Variants in SENP7 observed in about 807,000 individuals in gnomAD.
SENP7 encodes the protein SUMO specific peptidase 7.
Under a neutral mutation model 141.2 loss-of-function variants are expected in SENP7, and 64 were observed. The observed-to-expected ratio is 0.45, with a 90% CI of 0.37 to 0.56. The LOEUF is 0.56. Ranked by LOEUF, SENP7 falls within the 20% of genes least tolerant of loss-of-function variation. The pLI is 0.00. For missense variants in SENP7, 1,025 were observed against 1,212.2 expected (o/e 0.85, Z 2.29); for synonymous variants, 382 against 426.4 (o/e 0.90, Z 1.28).
At chr3:101,433,627 A>G (rs2062268819) in intron 4 of SENP7, among the ~76,000 whole-genome samples, 2 of 152,204 alleles carry the variant, frequency 1.3e-5, no homozygotes, top group South Asian at 4.1e-4. Context: ...CTATACTTCT[A>G]TGAGACAAAA....
chr3:101,401,580 C>T lies in SENP7; in HGVS notation c.483-2525G>A, dbSNP rs1048784347. On this transcript the variant is annotated intron_variant, in intron 5 of 23. Coordinates refer to ENST00000394095, the MANE Select transcript of SENP7 (RefSeq NM_020654.5). ...AAAAAGTGCTACTCCTATGAACACA[C>T]AAATAATAAGAAAGCAAAACAGTCT... 2.6e-5 allele frequency among the ~76,000 whole-genome samples: 4 copies of T among 150,970 alleles called. No homozygotes were observed. The South Asian group carries it at 8.4e-4, about 32-fold the overall frequency.
At chr3:101,386,967 G>A (rs1287160259) in intron 6 of SENP7, among the ~76,000 whole-genome samples, 1 of 152,204 alleles carries the variant, frequency 6.6e-6, no homozygotes, top group Non-Finnish European at 1.5e-5. Flanking sequence ...ACCAATGTTG[G>A]CACCCAAGTA....
intron 1 of SENP7, among the ~76,000 whole-genome samples, chr3:101,507,159 C>A (rs953275046): frequency 6.6e-5 from 10 of 151,680 alleles, no homozygotes; most frequent in African/African-American, 2.4e-4. Flanking sequence ...TTTACCAATA[C>A]GAGCACACAC....
At chr3:101,350,742 C>G (rs1256669111) in intron 12 of SENP7, among the ~76,000 whole-genome samples, 1 of 151,916 alleles carries the variant, frequency 6.6e-6, no homozygotes, top group Non-Finnish European at 1.5e-5. Context: ...ATTATCATCC[C>G]CTTTTAAAAT....
chr3:101,458,730 T>C (rs1431279545), intron 4 of SENP7: 1 of 371,274 alleles, frequency 2.7e-6, no homozygotes, highest in Non-Finnish European at 4.9e-6. Context: ...ACTCTTGCAT[T>C]ATCAGCGAAA....
chr3:101,385,281 C>G (rs527464815), intron 6 of SENP7, among the ~76,000 whole-genome samples: 24 of 152,176 alleles, frequency 1.6e-4, no homozygotes, highest in African/African-American at 5.8e-4. Flanking sequence ...GAACACACCC[C>G]ACAACCTCAA....
chr3:101,339,060 G>A (rs1452122823), intron 16 of SENP7, among the ~76,000 whole-genome samples: 1 of 152,064 alleles, frequency 6.6e-6, no homozygotes, highest in East Asian at 1.9e-4. Flanking sequence ...AGAATTAGCA[G>A]AAAATAATAT....
intron 4 of SENP7, among the ~76,000 whole-genome samples, chr3:101,424,097 A>T (rs750114920): frequency 2.0e-5 from 3 of 152,072 alleles, no homozygotes; most frequent in Admixed American, 6.5e-5. Context: ...CTATCAAACA[A>T]GGCCAGTCTG....
rs191090656 is a variant in SENP7 at position 101,450,526 on chromosome 3, G to C, written c.284+8429C>G. On this transcript the variant is annotated intron_variant, in intron 4 of 23. Coordinates refer to ENST00000394095, the MANE Select transcript of SENP7 (RefSeq NM_020654.5). ...ATAACAAACTGTCTCTCAGACCACA[G>C]TGCAATTAAACAAGAACTCACGATT... Among the ~76,000 whole-genome samples the C allele has an allele frequency of 2.9e-3, 439 of 152,302 alleles. 5 individuals are homozygous for C. The highest frequency in any genetic ancestry group is 0.027 in the Admixed American group (407 of 15,292).
chr3:101,446,934 G>T (rs993333084), intron 4 of SENP7, among the ~76,000 whole-genome samples: 1 of 151,744 alleles, frequency 6.6e-6, no homozygotes, highest in Non-Finnish European at 1.5e-5. Flanking sequence ...TAAACAAAAT[G>T]AAGACTTAAA....
In SENP7 at chr3:101,498,278, A is replaced by G. The variant is rs538589029; in HGVS notation, c.90+2792T>C. On this transcript the variant is annotated intron_variant, in intron 2 of 23. Coordinates refer to ENST00000394095, the MANE Select transcript of SENP7 (RefSeq NM_020654.5). ...AAGCATCTCCCCTAAGATATTTATT[A>G]ATTATAAAGAGGAAAAAAGTAACTT... 2.6e-5 allele frequency among the ~76,000 whole-genome samples: 4 copies of G among 152,328 alleles called. No individual in the cohort carries two copies. The East Asian group carries it at 7.7e-4, about 29-fold the overall frequency.
chr3:101,348,015 G>A lies in SENP7; in HGVS notation c.1694C>T (p.Thr565Ile). Reference protein sequence around the residue: ...LNEISLLVDTTHLKRFGLWKS... With the variant: ...LNEISLLVDTIHLKRFGLWKS... The stretch of plus-strand genomic sequence containing the variant: ...CCATAACCCAAACCGCTTTAAATGT[G>A]TGGTATCCACTAGCAATGAAATCTC... The change falls in exon 13 of 24, where the codon ACA (threonine) becomes ATA (isoleucine). Residue 565 changes from threonine to isoleucine, a missense_variant. Around this residue, in one of 4 missense-constraint regions of SENP7, gnomAD observed 228 missense variants for 228.5 expected, o/e 1.00. Coordinates refer to ENST00000394095, the MANE Select transcript of SENP7 (RefSeq NM_020654.5). 4.4e-6 allele frequency: 7 copies of A among 1,605,650 alleles called. No individual in the cohort carries two copies. Among genetic ancestry groups the A allele is most frequent in the Non-Finnish European group, 4.2e-6 (5 of 1,176,718 alleles).
At chr3:101,398,185 G>A (rs2061025340) in intron 6 of SENP7, among the ~76,000 whole-genome samples, 2 of 152,134 alleles carry the variant, frequency 1.3e-5, no homozygotes, top group African/African-American at 4.8e-5. Context: ...CAAGGCCGGG[G>A]GCAGTGGCTC....
At chr3:101,506,102 C>G (rs1392301605) in intron 1 of SENP7, among the ~76,000 whole-genome samples, 4 of 149,506 alleles carry the variant, frequency 2.7e-5, no homozygotes, top group Non-Finnish European at 4.4e-5. Flanking sequence ...CTCACTGCAA[C>G]CTCCACCTCC....
At chr3:101,497,968 A>G (rs2065226271) in intron 2 of SENP7, among the ~76,000 whole-genome samples, 1 of 152,102 alleles carries the variant, frequency 6.6e-6, no homozygotes, top group Non-Finnish European at 1.5e-5. Flanking sequence ...ATGCCCAGCT[A>G]ATTTTTTTTG....
chr3:101,450,383 T>A (rs1465933536), intron 4 of SENP7, among the ~76,000 whole-genome samples: 1 of 152,072 alleles, frequency 6.6e-6, no homozygotes, highest in Non-Finnish European at 1.5e-5. Flanking sequence ...TCTACAGAAC[T>A]CTCCACCCCC....
At chr3:101,492,069 G>A (rs1421466504) in intron 3 of SENP7, among the ~76,000 whole-genome samples, 1 of 151,886 alleles carries the variant, frequency 6.6e-6, no homozygotes, top group Non-Finnish European at 1.5e-5. Flanking sequence ...TCCAGCCTGG[G>A]CAACAAGAGC....
In SENP7 at chr3:101,366,528, G is replaced by C. The variant is rs1339786499; in HGVS notation, c.1220C>G (p.Ser407Cys). 1 of 1,613,816 alleles carries C rather than the reference G, an allele frequency of 6.2e-7. No individual in the cohort carries two copies. The highest frequency in any genetic ancestry group is 8.5e-7 in the Non-Finnish European group (1 of 1,179,790). Residue 407 changes from serine (S) to cysteine (C), a missense_variant, in exon 9 of 24, where the codon TCC becomes TGC. Ser to Cys is a moderately radical substitution (Grantham distance 112). Around this residue, in one of 4 missense-constraint regions of SENP7, gnomAD observed 496 missense variants for 503.5 expected, o/e 0.99. Transcript: ENST00000394095. ...SNSIDIVGIS[S>C]LVEKDENELN... is the part of the protein sequence containing the mutation. ...CTCATTCTCATCCTTCTCAACCAGG[G>C]AAGAAATCCCCACAATATCAATGGA...
At chr3:101,430,545 A>AT (rs1559813239) in intron 4 of SENP7, among the ~76,000 whole-genome samples, 1 of 152,000 alleles carries the variant, frequency 6.6e-6, no homozygotes, top group Non-Finnish European at 1.5e-5. Flanking sequence ...CCCCTTTATC[A>AT]TTTTTTATTG....
Sources: gnomAD v4.1 joint callset for allele counts (sites outside exome capture counted in the v4.1 genomes callset) on GRCh38, gnomAD v4.1.1 for gene constraint, gnomAD v4.1.1 regional missense constraint, MANE v1.5 for transcripts, NCBI Gene and HGNC (gene_info 2026-07-23, HGNC 2026-07-21) for gene names.